The following SCUBE1 variants were observed in gnomAD, a reference collection of about 807,000 sequenced individuals.
SCUBE1 encodes the protein signal peptide, CUB and EGF-like domain-containing protein 1.
Under a neutral mutation model 124.4 loss-of-function variants are expected in SCUBE1, and 59 were observed. The ratio of observed to expected loss-of-function variants is 0.47; its 90% CI spans 0.38 to 0.59. The LOEUF (loss-of-function observed/expected upper bound fraction) is 0.59, where lower values mean the gene tolerates loss of function less well. SCUBE1 is among the 20% of genes least tolerant of loss of function. SCUBE1 has a pLI of 0.00. For synonymous variants in SCUBE1, 545 were observed against 550.9 expected, an observed-to-expected ratio of 0.99 and a Z score of 0.15; for missense variants, 1,150 against 1,371.2, an observed-to-expected ratio of 0.84 and a Z score of 2.55.
At chr22:43,218,562 C>T (rs1249352342) in intron 14 of SCUBE1, 104 bp from the exon 15 acceptor site, 3 of 1,162,522 alleles carry the variant, frequency 2.6e-6, no homozygotes, top group Non-Finnish European at 3.7e-6. Context: ...TGGGCTCGGA[C>T]CTCCTCAGCA....
intron 4 of SCUBE1, among the ~76,000 whole-genome samples, chr22:43,284,356 A>G (rs1428276633): frequency 6.6e-6 from 1 of 152,236 alleles, no homozygotes; most frequent in Non-Finnish European, 1.5e-5. Context: ...AATTTCTACC[A>G]CAAGATGTCT....
intron 4 of SCUBE1, among the ~76,000 whole-genome samples, chr22:43,280,747 CTCCTGTCACCTCCCTCA>C (rs1267102482): frequency 1.0e-4 from 7 of 69,858 alleles, no homozygotes. Context: ...CTCGGCCACC[CTCCTGTCACCTCCCTCA>C]TTGGCCACCC....
chr22:43,303,433 C>T (rs552813617), intron 3 of SCUBE1, among the ~76,000 whole-genome samples: 1 of 152,386 alleles, frequency 6.6e-6, no homozygotes, highest in East Asian at 1.9e-4. Flanking sequence ...CAGTCCCTCC[C>T]TGTCAGGCCC....
intron 3 of SCUBE1, among the ~76,000 whole-genome samples, chr22:43,312,028 G>A (rs1926188303): frequency 6.6e-6 from 1 of 152,186 alleles, no homozygotes; most frequent in South Asian, 2.1e-4. Flanking sequence ...ATGGGGTGGA[G>A]CCAAGGGTGG....
chr22:43,285,183 T>C (rs1468252879), intron 4 of SCUBE1, among the ~76,000 whole-genome samples: 1 of 152,132 alleles, frequency 6.6e-6, no homozygotes, highest in East Asian at 1.9e-4. Context: ...AGGACCCCTA[T>C]TGTCTGGCCC....
chr22:43,333,741 C>A (rs891510558), intron 2 of SCUBE1, among the ~76,000 whole-genome samples: 1 of 152,184 alleles, frequency 6.6e-6, no homozygotes, highest in African/African-American at 2.4e-5. Context: ...TCGGAACTGC[C>A]GGTTTGGGGC....
chr22:43,256,971 T>A (rs1013242976), intron 6 of SCUBE1, among the ~76,000 whole-genome samples: 13 of 152,072 alleles, frequency 8.5e-5, no homozygotes, highest in African/African-American at 3.1e-4. Context: ...TTAATGAACA[T>A]CAGTTATCAG....
At position 43,262,757 on chromosome 22, in the gene SCUBE1, G is replaced by A. The variant is rs754878889; in HGVS notation, c.573C>T (p.Pro191=). ...PKGGVACDCR[P]GFDLAQNQKD... is the part of the protein sequence containing the mutation. ...TCTGGTTTTGGGCAAGGTCAAAGCC[G>A]GGCCTGCAGTCGCAGGCCACCCCAC... The change falls in exon 5 of 22, where the codon CCC becomes CCT. Residue 191 remains proline, a synonymous_variant. Transcript: ENST00000360835. 6.2e-6 allele frequency: 10 copies of A among 1,614,002 alleles called. No individual in the cohort carries two copies. Among genetic ancestry groups the A allele is most frequent in the Non-Finnish European group, 8.5e-6 (10 of 1,180,006 alleles).
At chr22:43,310,596 A>G (rs1926135702) in intron 3 of SCUBE1, among the ~76,000 whole-genome samples, 1 of 152,210 alleles carries the variant, frequency 6.6e-6, no homozygotes, top group Non-Finnish European at 1.5e-5. Flanking sequence ...GACACCGTGG[A>G]GCAGAGACTA....
intron 4 of SCUBE1, among the ~76,000 whole-genome samples, chr22:43,284,604 C>T (rs1429819297): frequency 1.3e-5 from 2 of 152,222 alleles, no homozygotes; most frequent in Non-Finnish European, 2.9e-5. Context: ...CACTGGCAAC[C>T]CTGCAGTTCC....
intron 3 of SCUBE1, among the ~76,000 whole-genome samples, chr22:43,298,718 C>G (rs1296954394): frequency 6.6e-6 from 1 of 151,386 alleles, no homozygotes; most frequent in Non-Finnish European, 1.5e-5. Flanking sequence ...GCCCATGGGA[C>G]CTGGCTGTTG....
chr22:43,207,937 C>T, intron 20 of SCUBE1, 135 bp downstream of exon 20: 2 of 1,022,662 alleles, frequency 2.0e-6, no homozygotes, highest in Non-Finnish European at 3.0e-6. Flanking sequence ...TGGCCCCTGA[C>T]AGTGTTCGTT....
Position 43,255,984 on chromosome 22 carries a change from C to A in SCUBE1, c.727+2235G>T, listed in dbSNP as rs998058140. On this transcript the variant is annotated intron_variant, in intron 6 of 21. Coordinates refer to ENST00000360835, the MANE Select transcript of SCUBE1 (RefSeq NM_173050.5). The surrounding 1 kb of genome is among the most constrained non-coding windows in gnomAD (Gnocchi z 4.7). ...TGATTACAGACCCCCGTGGCTCAGG[C>A]TGGAGAGGCAGGCACAGGACAAGGC... is the stretch of plus-strand genomic sequence containing the variant. 4.6e-5 allele frequency among the ~76,000 whole-genome samples: 7 copies of A among 152,174 alleles called. No homozygotes were observed. Among genetic ancestry groups the A allele is most frequent in the Non-Finnish European group, 1.0e-4 (7 of 68,034 alleles).
chr22:43,324,326 G>A (rs144460916), intron 2 of SCUBE1, among the ~76,000 whole-genome samples: 128 of 152,312 alleles, frequency 8.4e-4, no homozygotes, highest in Non-Finnish European at 1.7e-3. Context: ...GTAATTGCCA[G>A]TGGGCTGGAG....
At chr22:43,330,941 C>T (rs971367423) in intron 2 of SCUBE1, among the ~76,000 whole-genome samples, 12 of 152,086 alleles carry the variant, frequency 7.9e-5, no homozygotes, top group African/African-American at 2.7e-4. Context: ...AAGAATTTCC[C>T]CTTCTCTCCC....
In SCUBE1 at chr22:43,238,919, T is replaced by A. The variant is rs1345479027; in HGVS notation, c.763A>T (p.Thr255Ser). 1 of 1,612,974 alleles carries A rather than the reference T, an allele frequency of 6.2e-7. No homozygotes were observed. The highest frequency in any genetic ancestry group is 8.5e-7 in the Non-Finnish European group (1 of 1,179,992). ...ACGCCAGTGGCTGTGTCCTTGCATGTCCGGTCGCAGCCTCCGTTATTGACT... is the reference window on the plus strand; with the variant it reads ...ACGCCAGTGGCTGTGTCCTTGCATGACCGGTCGCAGCCTCCGTTATTGACT... ...CAVNNGGCDR[T>S]CKDTATGVRC... The change falls in exon 7 of 22, where the codon ACA becomes TCA. Residue 255 changes from threonine (T) to serine (S), a missense_variant. By Grantham distance (58) the Thr-to-Ser change is moderately conservative. Around this residue, in one of 3 missense-constraint regions of SCUBE1, gnomAD observed 337 missense variants for 482.1 expected, o/e 0.70. Transcript: ENST00000360835.
At chr22:43,242,041 A>G (rs921916773) in intron 6 of SCUBE1, among the ~76,000 whole-genome samples, 3 of 152,200 alleles carry the variant, frequency 2.0e-5, no homozygotes, top group African/African-American at 7.2e-5. Context: ...CACCTCAGCC[A>G]TATTGTGAGG....
At chr22:43,251,379 G>T (rs1316425048) in intron 6 of SCUBE1, among the ~76,000 whole-genome samples, 1 of 152,194 alleles carries the variant, frequency 6.6e-6, no homozygotes, top group Non-Finnish European at 1.5e-5. Flanking sequence ...GCAGAATAAT[G>T]CCCCCTTAAA....
intron 4 of SCUBE1, among the ~76,000 whole-genome samples, chr22:43,288,205 A>G (rs1925220687): frequency 6.6e-6 from 1 of 152,204 alleles, no homozygotes; most frequent in Non-Finnish European, 1.5e-5. Flanking sequence ...TATTCTGGTT[A>G]AAGCTGGACT....
Sources: allele counts gnomAD v4.1 joint callset (sites outside exome capture counted in the v4.1 genomes callset), GRCh38; gene constraint gnomAD v4.1.1; regional missense constraint gnomAD v4.1.1; non-coding constraint Gnocchi (gnomAD v3.1); transcripts MANE v1.5; gene names NCBI Gene and HGNC (gene_info 2026-07-23, HGNC 2026-07-21).